COL10A1: variants seen among roughly 807,000 people sequenced by gnomAD.
The protein encoded by COL10A1 is collagen alpha-1(X) chain.
COL10A1 carries 10 observed loss-of-function variants against 18.2 expected under a neutral mutation model. That is an observed-to-expected ratio of 0.55 (90% CI 0.34 to 0.93). The LOEUF (loss-of-function observed/expected upper bound fraction) is 0.93, where lower values mean the gene tolerates loss of function less well. Ranked by LOEUF, COL10A1 falls within the 40% of genes least tolerant of loss-of-function variation. COL10A1 has a pLI of 0.02. For missense variants in COL10A1, 897 were observed against 853.5 expected (o/e 1.05, Z -0.64); for synonymous variants, 330 against 316.6 (o/e 1.04, Z -0.45).
chr6:116,216,542 T>C, the COL10A1 span, among the ~76,000 whole-genome samples: 1 of 152,002 alleles, frequency 6.6e-6, no homozygotes, highest in African/African-American at 2.4e-5. Context: ...TTCTCTCATA[T>C]TCTGTACTTC....
chr6:116,137,727 A>T (rs1402815086), intron 1 of COL10A1, among the ~76,000 whole-genome samples: 1 of 152,212 alleles, frequency 6.6e-6, no homozygotes, highest in Non-Finnish European at 1.5e-5. Context: ...GCATGTGTGC[A>T]ATACGTACCT....
intron 1 of COL10A1, among the ~76,000 whole-genome samples, chr6:116,152,574 A>G (rs1780072360): frequency 6.6e-6 from 1 of 152,052 alleles, no homozygotes; most frequent in African/African-American, 2.4e-5. Flanking sequence ...CTCACATGGG[A>G]CTTTCATCCT....
chr6:116,192,211 CTGTT>C, the COL10A1 span, among the ~76,000 whole-genome samples: 2 of 151,938 alleles, frequency 1.3e-5, no homozygotes. Context: ...CTGTAAGTCT[CTGTT>C]TGCTCTTAAA....
chr6:116,188,214 A>G, the COL10A1 span, among the ~76,000 whole-genome samples: 1 of 152,070 alleles, frequency 6.6e-6, no homozygotes, highest in African/African-American at 2.4e-5. Context: ...GAGGATGTGA[A>G]GCAAAGAGAA....
intron 1 of COL10A1, among the ~76,000 whole-genome samples, chr6:116,154,440 A>G (rs1780129971): frequency 6.6e-6 from 1 of 152,092 alleles, no homozygotes; most frequent in African/African-American, 2.4e-5. Flanking sequence ...AGATTCACCC[A>G]AACACATTAT....
At chr6:116,213,528 A>G in the COL10A1 span, among the ~76,000 whole-genome samples, 1 of 152,102 alleles carries the variant, frequency 6.6e-6, no homozygotes, top group Non-Finnish European at 1.5e-5. Context: ...TAACCTCTCC[A>G]GATATAAAAG....
intron 1 of COL10A1, chr6:116,137,255 A>G (rs1266299034): frequency 6.4e-6 from 1 of 156,210 alleles, no homozygotes; most frequent in East Asian, 1.8e-4. Flanking sequence ...ATTTCAACAT[A>G]TCGTCTCCAT....
At position 116,121,519 on chromosome 6, in the gene COL10A1, T is replaced by G. The variant is rs746116127; in HGVS notation, c.597A>C (p.Pro199=). The G allele has an allele frequency of 6.2e-7, 1 of 1,614,136 alleles. No individual in the cohort carries two copies. The highest frequency in any genetic ancestry group is 1.7e-5 in the Admixed American group (1 of 60,022). Residue 199 remains proline (P), a synonymous_variant, in exon 3 of 3, where the codon CCA becomes CCC. Coordinates refer to ENST00000651968, the MANE Select transcript of COL10A1 (RefSeq NM_000493.4). The part of the protein sequence containing the change: ...GEMGYGAPGR[P]GERGLPGPQG... ...GAGGGCCTGGAAGACCCCTCTCACC[T>G]GGACGACCAGGAGCACCATATCCCA...
the COL10A1 span, among the ~76,000 whole-genome samples, chr6:116,193,387 G>A: frequency 6.6e-6 from 1 of 152,180 alleles, no homozygotes; most frequent in African/African-American, 2.4e-5. Context: ...AGCTGTGGTG[G>A]AAGCAAAGAA....
In COL10A1 at chr6:116,121,395, C is replaced by G. The variant is rs369551991; in HGVS notation, c.721G>C (p.Gly241Arg). ...GGTGGGCCAATTGGTCCCATTTCTC[C>G]CGGAAAACCTCTATCACCTTTGATG... Reference protein sequence around the residue: ...PGIKGDRGFPGEMGPIGPPGP... With the variant: ...PGIKGDRGFPREMGPIGPPGP... Residue 241 changes from glycine (G) to arginine (R), a missense_variant, in exon 3 of 3, where the codon GGA becomes CGA. Coordinates refer to ENST00000651968, the MANE Select transcript of COL10A1 (RefSeq NM_000493.4). 5.0e-6 allele frequency: 8 copies of G among 1,614,046 alleles called. No homozygotes were observed. Among genetic ancestry groups the G allele is most frequent in the African/African-American group, 1.3e-5 (1 of 74,918 alleles).
the COL10A1 span, among the ~76,000 whole-genome samples, chr6:116,200,001 G>GGA: frequency 6.7e-6 from 1 of 149,858 alleles, no homozygotes; most frequent in Admixed American, 6.6e-5. Flanking sequence ...ATGGAAAGTG[G>GGA]GGGGGGAAGA....
At chr6:116,129,969 C>G (rs1456941675), upstream of COL10A1, among the ~76,000 whole-genome samples, 1 of 152,030 alleles carries the variant, frequency 6.6e-6, no homozygotes, top group Non-Finnish European at 1.5e-5. Flanking sequence ...TGGCAAGAAC[C>G]CTTTACAGAG....
chr6:116,143,419 G>A (rs1779815865), intron 1 of COL10A1, among the ~76,000 whole-genome samples: 2 of 151,986 alleles, frequency 1.3e-5, no homozygotes, highest in Admixed American at 1.3e-4. Flanking sequence ...TCACCATGTT[G>A]GCCAGGATGG....
chr6:116,123,145 G>T (rs905403958), intron 2 of COL10A1, among the ~76,000 whole-genome samples: 4 of 152,144 alleles, frequency 2.6e-5, no homozygotes, highest in African/African-American at 9.7e-5. Flanking sequence ...TAAGGGTCAT[G>T]TTCACACTAA....
chr6:116,145,932 C>G (rs1457199106), intron 1 of COL10A1, among the ~76,000 whole-genome samples: 1 of 152,160 alleles, frequency 6.6e-6, no homozygotes, highest in Non-Finnish European at 1.5e-5. Flanking sequence ...GTAACTCTTT[C>G]AATTTGGTAT....
chr6:116,178,080 TGTGTGTGTGCGCGCGC>T, the COL10A1 span, among the ~76,000 whole-genome samples: 2 of 108,986 alleles, frequency 1.8e-5, no homozygotes, highest in African/African-American at 8.9e-5. Context: ...TGTGTGTGTG[TGTGTGTGTGCGCGCGC>T]GCGCGCGTGC....
chr6:116,153,061 G>A (rs886925651), intron 1 of COL10A1, among the ~76,000 whole-genome samples: 8 of 151,670 alleles, frequency 5.3e-5, no homozygotes, highest in African/African-American at 1.9e-4. Flanking sequence ...ATCACTTGAG[G>A]TAGGCTAATA....
the COL10A1 span, among the ~76,000 whole-genome samples, chr6:116,200,861 A>AT: frequency 6.6e-6 from 1 of 152,148 alleles, no homozygotes; most frequent in Admixed American, 6.6e-5. Context: ...TTTTCTTCTG[A>AT]GGAAATCCAC....
rs201737018 is a variant in COL10A1 at position 116,121,549 on chromosome 6, C to T, written c.567G>A (p.Gly189=). ...PGVPGMNGQK[G]EMGYGAPGRP... The stretch of plus-strand genomic sequence containing the variant: ...GACCAGGAGCACCATATCCCATTTC[C>T]CCTTTCTGTCCATTCATACCAGGGA... The change falls in exon 3 of 3, where the codon GGG becomes GGA. Residue 189 remains glycine, a synonymous_variant. Coordinates refer to ENST00000651968, the MANE Select transcript of COL10A1 (RefSeq NM_000493.4). 61 of 1,613,988 alleles carry T rather than the reference C, an allele frequency of 3.8e-5. No individual in the cohort carries two copies. The highest frequency in any genetic ancestry group is 5.0e-5 in the Non-Finnish European group (59 of 1,180,026).
Sources: gnomAD v4.1 joint callset for allele counts (sites outside exome capture counted in the v4.1 genomes callset) on GRCh38, gnomAD v4.1.1 for gene constraint, MANE v1.5 for transcripts, NCBI Gene and HGNC (gene_info 2026-07-23, HGNC 2026-07-21) for gene names.